The following SNX29 variants were observed in gnomAD, a reference collection of about 807,000 sequenced individuals.
SNX29 encodes the protein sorting nexin-29.
In SNX29, 78 loss-of-function variants were observed where a neutral mutation model predicts 102.1. That is an observed-to-expected ratio of 0.76 (90% confidence interval 0.64 to 0.92). SNX29 has a LOEUF of 0.92. Ranked by LOEUF, SNX29 falls within the 40% of genes least tolerant of loss-of-function variation. The pLI is 0.00. For missense variants in SNX29, 1,280 were observed against 1,061.7 expected (o/e 1.21, Z -2.86); for synonymous variants, 580 against 414.5 (o/e 1.40, Z -4.85).
rs527669412 is a variant in SNX29, at chr16:12,416,686, A to G, written c.2037+13157A>G. 3.3e-5 allele frequency among the ~76,000 whole-genome samples: 5 copies of G among 152,314 alleles called. No homozygotes were observed. In the East Asian group the frequency reaches 7.7e-4, roughly 24 times the overall value. On this transcript the variant is annotated intron_variant, in intron 18 of 20. Coordinates refer to ENST00000566228, the MANE Select transcript of SNX29 (RefSeq NM_032167.5). ...GGGAAGGCCTTGGAGGCTTTTAGTC[A>G]TGGTGGAAGGTGCAGGGGGAGCAGG...
intron 13 of SNX29, among the ~76,000 whole-genome samples, chr16:12,158,000 T>A (rs2141641935): frequency 6.6e-6 from 1 of 152,186 alleles, no homozygotes; most frequent in Admixed American, 6.5e-5. Flanking sequence ...TCACATTACA[T>A]CACAGCATCT....
Position 12,568,534 on chromosome 16 carries a change from A to C in SNX29, c.2347A>C (p.Asn783His), listed in dbSNP as rs371506902. The C allele has an allele frequency of 5.0e-6, 8 of 1,609,852 alleles. No homozygotes were observed. Among genetic ancestry groups the C allele is most frequent in the Non-Finnish European group, 6.8e-6 (8 of 1,179,822 alleles). The change falls in exon 21 of 21, where the codon AAC becomes CAC. Residue 783 changes from asparagine (N) to histidine (H), a missense_variant. By Grantham distance (68) the Asn-to-His change is moderately conservative. Coordinates refer to ENST00000566228, the MANE Select transcript of SNX29 (RefSeq NM_032167.5). ...CATCACCCCGCCCGGAGAGCCTGTG[A>C]ACAGCCGGCCCAAAGCAGCTTCCCG... ...VDITPPGEPV[N>H]SRPKAASRFP...
chr16:12,363,715 G>A (rs978885014), intron 16 of SNX29, among the ~76,000 whole-genome samples: 2 of 152,234 alleles, frequency 1.3e-5, no homozygotes, highest in Non-Finnish European at 2.9e-5. Context: ...GGAAAAAAGA[G>A]ATGAGCAGGG....
intron 3 of SNX29, among the ~76,000 whole-genome samples, chr16:12,007,936 T>A (rs2056511259): frequency 6.6e-6 from 1 of 152,182 alleles, no homozygotes; most frequent in Non-Finnish European, 1.5e-5. Context: ...TTTTAAAGCT[T>A]TTCACTACTT....
chr16:12,325,520 ATTGCTGAAGTT>A (rs1417351192), intron 15 of SNX29, among the ~76,000 whole-genome samples: 3 of 152,320 alleles, frequency 2.0e-5, no homozygotes, highest in African/African-American at 7.2e-5. Flanking sequence ...GCAAGAACTC[ATTGCTGAAGTT>A]TAGACTTGCT....
chr16:12,474,117 C>T (rs2087483234), intron 18 of SNX29, among the ~76,000 whole-genome samples: 1 of 152,014 alleles, frequency 6.6e-6, no homozygotes, highest in East Asian at 1.9e-4. Flanking sequence ...GGGCAGAGGG[C>T]AGGTAGCCGT....
intron 11 of SNX29, among the ~76,000 whole-genome samples, chr16:12,110,463 C>T (rs1177237683): frequency 1.3e-5 from 2 of 152,094 alleles, no homozygotes; most frequent in Non-Finnish European, 2.9e-5. Flanking sequence ...GTGATGAACA[C>T]AGAAGCAAGA....
chr16:12,476,419 T>TATATATATATAC (rs2087637056), intron 18 of SNX29, among the ~76,000 whole-genome samples: 2 of 41,198 alleles, frequency 4.9e-5, no homozygotes, highest in African/African-American at 1.8e-4. Context: ...TATACATATA[T>TATATATATATAC]ATATATATAT....
At chr16:12,520,865 A>G (rs2090071742) in intron 19 of SNX29, among the ~76,000 whole-genome samples, 1 of 152,178 alleles carries the variant, frequency 6.6e-6, no homozygotes, top group Non-Finnish European at 1.5e-5. Flanking sequence ...CACACTGCTC[A>G]GGTGAAGGGG....
intron 4 of SNX29, among the ~76,000 whole-genome samples, chr16:12,037,079 G>C (rs1315828918): frequency 6.6e-6 from 1 of 152,034 alleles, no homozygotes; most frequent in East Asian, 1.9e-4. Flanking sequence ...GTAGCTCCAG[G>C]TTTCCAGGAT....
At chr16:12,531,041 A>T (rs907124952) in intron 20 of SNX29, among the ~76,000 whole-genome samples, 4 of 152,254 alleles carry the variant, frequency 2.6e-5, no homozygotes, top group Non-Finnish European at 5.9e-5. Flanking sequence ...GTAGAGCTAC[A>T]GGCTTGATGT....
At chr16:12,114,221 T>C (rs934404051) in intron 11 of SNX29, among the ~76,000 whole-genome samples, 1 of 152,164 alleles carries the variant, frequency 6.6e-6, no homozygotes, top group Non-Finnish European at 1.5e-5. Flanking sequence ...AAGGGAATAA[T>C]ATCGTTCCCC....
At chr16:12,539,227 C>G (rs763940079) in intron 20 of SNX29, among the ~76,000 whole-genome samples, 3 of 152,114 alleles carry the variant, frequency 2.0e-5, no homozygotes, top group Admixed American at 6.6e-5. Flanking sequence ...AGATATAGAC[C>G]AGTTCCTTCA....
chr16:12,016,279 A>G (rs2056846344), intron 3 of SNX29, among the ~76,000 whole-genome samples: 1 of 152,228 alleles, frequency 6.6e-6, no homozygotes, highest in Admixed American at 6.5e-5. Flanking sequence ...CAATGAAGCA[A>G]TAGACATTCT....
intron 15 of SNX29, among the ~76,000 whole-genome samples, chr16:12,325,461 A>G (rs912423424): frequency 1.3e-5 from 2 of 152,228 alleles, no homozygotes; most frequent in Non-Finnish European, 2.9e-5. Flanking sequence ...AATAATGGGA[A>G]AAAACTACAT....
At chr16:12,565,706 T>C (rs1332860461) in intron 20 of SNX29, among the ~76,000 whole-genome samples, 1 of 144,708 alleles carries the variant, frequency 6.9e-6, no homozygotes, top group Admixed American at 6.7e-5. Context: ...GGGAAGCAGC[T>C]GGGCCGGGTC....
intron 11 of SNX29, among the ~76,000 whole-genome samples, chr16:12,113,976 AAG>A (rs1420057732): frequency 1.3e-5 from 2 of 152,206 alleles, no homozygotes; most frequent in Non-Finnish European, 2.9e-5. Context: ...CTGAGACCCA[AAG>A]TGGGTTTGAA....
At chr16:12,274,131 C>T (rs990714617) in intron 14 of SNX29, among the ~76,000 whole-genome samples, 83 of 152,156 alleles carry the variant, frequency 5.5e-4, no homozygotes, top group African/African-American at 1.8e-3. Flanking sequence ...AGTTTCTGCA[C>T]GGTCACATGT....
intron 20 of SNX29, among the ~76,000 whole-genome samples, chr16:12,536,352 C>G (rs758029696): frequency 5.9e-5 from 9 of 151,920 alleles, no homozygotes; most frequent in Non-Finnish European, 1.2e-4. Context: ...GCCGTACTGT[C>G]AGGGTTGGGG....
Sources: allele counts gnomAD v4.1 joint callset (sites outside exome capture counted in the v4.1 genomes callset), GRCh38; gene constraint gnomAD v4.1.1; transcripts MANE v1.5; gene names NCBI Gene and HGNC (gene_info 2026-07-23, HGNC 2026-07-21).